RUNX1T1: variants seen among roughly 807,000 people sequenced by gnomAD.
The protein encoded by RUNX1T1 is protein CBFA2T1.
A neutral mutation model predicts 62.8 loss-of-function variants in RUNX1T1; 4 were observed. That is an observed-to-expected ratio of 0.06 (90% CI 0.03 to 0.15). RUNX1T1 has a LOEUF of 0.15. Ranked by LOEUF, RUNX1T1 falls within the 10% of genes least tolerant of loss-of-function variation. RUNX1T1 has a pLI of 1.00. For missense variants in RUNX1T1, 508 were observed against 754.3 expected (o/e 0.67, Z 3.82); for synonymous variants, 291 against 286.0 (o/e 1.02, Z -0.18).
At chr8:92,079,815 T>C (rs1302965526) in intron 1 of RUNX1T1, among the ~76,000 whole-genome samples, 5 of 152,174 alleles carry the variant, frequency 3.3e-5, no homozygotes, top group African/African-American at 1.2e-4. Context: ...AACTCCCTGA[T>C]GGAACACTTC....
chr8:92,013,793 G>A (rs1822457323), intron 3 of RUNX1T1, among the ~76,000 whole-genome samples: 1 of 152,116 alleles, frequency 6.6e-6, no homozygotes, highest in African/African-American at 2.4e-5. Context: ...TCAAACTAGT[G>A]GTTTCGGTAA....
At chr8:92,076,097 G>C in exon 2 of RUNX1T1, 1 of 1,587,576 alleles carries the variant, frequency 6.3e-7, no homozygotes, top group Non-Finnish European at 8.5e-7. Flanking sequence ...TTTTCTGACT[G>C]GGACAGAGAT....
chr8:92,086,652 G>A (rs1836165874), intron 1 of RUNX1T1, among the ~76,000 whole-genome samples: 1 of 152,296 alleles, frequency 6.6e-6, no homozygotes, highest in Middle Eastern at 3.4e-3. Flanking sequence ...CTATGAGTCT[G>A]GGGTAGGGTA....
chr8:91,967,319 A>T (rs1586719097), intron 10 of RUNX1T1, among the ~76,000 whole-genome samples: 1 of 152,232 alleles, frequency 6.6e-6, no homozygotes, highest in South Asian at 2.1e-4. Context: ...TCTAAGCAAG[A>T]GCAGTCTTTC....
chr8:92,025,195 A>G (rs1020180200), intron 1 of RUNX1T1, among the ~76,000 whole-genome samples: 7 of 152,090 alleles, frequency 4.6e-5, no homozygotes, highest in African/African-American at 1.4e-4. Context: ...CATTCTCCAA[A>G]CCACATCCAG....
chr8:92,011,154 AAATT>A (rs972922252), intron 3 of RUNX1T1, 63 bp from the exon 5 acceptor site: 2 of 894,590 alleles, frequency 2.2e-6, no homozygotes, highest in Non-Finnish European at 3.7e-6. Flanking sequence ...AAACACAAAC[AAATT>A]AATTATTAAG....
intron 1 of RUNX1T1, among the ~76,000 whole-genome samples, chr8:92,048,549 C>T (rs1829764041): frequency 6.6e-6 from 1 of 151,234 alleles, no homozygotes; most frequent in Non-Finnish European, 1.5e-5. Flanking sequence ...AGTACAACAT[C>T]TGTTTTAAAG....
intron 1 of RUNX1T1, among the ~76,000 whole-genome samples, chr8:92,049,795 A>G (rs1829966517): frequency 6.6e-6 from 1 of 152,176 alleles, no homozygotes; most frequent in Non-Finnish European, 1.5e-5. Flanking sequence ...CAATCCTTCT[A>G]CAGAAAGTTT....
chr8:92,053,121 A>G (rs1830481168), intron 1 of RUNX1T1, among the ~76,000 whole-genome samples: 1 of 152,144 alleles, frequency 6.6e-6, no homozygotes, highest in East Asian at 1.9e-4. Context: ...GAGAGCAGCA[A>G]TTAAAATCAT....
downstream of RUNX1T1, chr8:91,956,483 G>A (rs1809406457): frequency 8.8e-6 from 2 of 226,108 alleles, no homozygotes; most frequent in South Asian, 1.8e-4. Flanking sequence ...CGGGGACGAG[G>A]GAGACAGAGG....
At chr8:92,034,795 T>TACACACACAC (rs763510689) in intron 1 of RUNX1T1, among the ~76,000 whole-genome samples, 1 of 73,450 alleles carries the variant, frequency 1.4e-5, no homozygotes, top group African/African-American at 5.4e-5. Flanking sequence ...TATATACATA[T>TACACACACAC]ATACACACAC....
At chr8:92,003,613 C>T (rs1174603036) in intron 5 of RUNX1T1, among the ~76,000 whole-genome samples, 1 of 152,130 alleles carries the variant, frequency 6.6e-6, no homozygotes, top group East Asian at 1.9e-4. Flanking sequence ...ATTCTTTTAC[C>T]ATGGAGCTAA....
intron 2 of RUNX1T1, among the ~76,000 whole-genome samples, chr8:92,075,178 A>G (rs1400579153): frequency 6.6e-6 from 1 of 152,206 alleles, no homozygotes; most frequent in Non-Finnish European, 1.5e-5. Flanking sequence ...CCCAACCACT[A>G]GAGTGCCAAC....
exon 11 of RUNX1T1, chr8:91,960,201 T>C (rs746700278): frequency 1.9e-6 from 3 of 1,577,388 alleles, no homozygotes; most frequent in East Asian, 2.3e-5. Context: ...TGGTTTCGCG[T>C]TGGTTGTGTT....
At chr8:91,980,649 C>CT (rs1311895842) in intron 8 of RUNX1T1, among the ~76,000 whole-genome samples, 1 of 152,068 alleles carries the variant, frequency 6.6e-6, no homozygotes, top group Non-Finnish European at 1.5e-5. Context: ...CTTTAAAGTT[C>CT]TTTTTGATTT....
chr8:92,062,820 C>T, exon 1 of RUNX1T1: 4 of 1,444,278 alleles, frequency 2.8e-6, no homozygotes, highest in Non-Finnish European at 3.6e-6. Flanking sequence ...TCTCTTTAGG[C>T]AGAACAATGA....
At chr8:91,992,353 A>T (rs1237675296) in intron 5 of RUNX1T1, among the ~76,000 whole-genome samples, 1 of 152,172 alleles carries the variant, frequency 6.6e-6, no homozygotes, top group African/African-American at 2.4e-5. Context: ...AATATCTAAG[A>T]ACTGTGTTGT....
intron 1 of RUNX1T1, among the ~76,000 whole-genome samples, chr8:92,084,521 C>T (rs1459545949): frequency 2.0e-5 from 3 of 152,194 alleles, no homozygotes; most frequent in Non-Finnish European, 4.4e-5. Flanking sequence ...TCAAGTAAAT[C>T]ACTTGAGTTC....
chr8:92,100,385 A>T (rs1024887244), upstream of RUNX1T1, among the ~76,000 whole-genome samples: 15 of 152,250 alleles, frequency 9.9e-5, no homozygotes, highest in African/African-American at 3.6e-4. Context: ...TTTTCAAATA[A>T]AGTCACTGCT....
Sources: gnomAD v4.1 joint callset for allele counts (sites outside exome capture counted in the v4.1 genomes callset) on GRCh38, gnomAD v4.1.1 for gene constraint, MANE v1.5 for transcripts, NCBI Gene and HGNC (gene_info 2026-07-23, HGNC 2026-07-21) for gene names.